UBTD2: variants seen among roughly 807,000 people sequenced by gnomAD.
UBTD2 encodes ubiquitin domain-containing protein 2.
A neutral mutation model predicts 19.8 loss-of-function variants in UBTD2; 9 were observed. The ratio of observed to expected loss-of-function variants is 0.46; its 90% confidence interval spans 0.27 to 0.79. UBTD2 has a LOEUF of 0.79. Among genes scored for constraint, UBTD2 ranks in the 30% least tolerant of loss-of-function variants. UBTD2 has a pLI of 0.14. For synonymous variants in UBTD2, 98 were observed against 103.9 expected (o/e 0.94, Z 0.35); for missense variants, 250 against 300.4 (o/e 0.83, Z 1.24).
chr5:172,247,555 G>C (rs560955236), intron 1 of UBTD2, among the ~76,000 whole-genome samples: 1 of 152,200 alleles, frequency 6.6e-6, no homozygotes, highest in African/African-American at 2.4e-5. Flanking sequence ...GACTACAGTG[G>C]CTATATTTGT....
intron 1 of UBTD2, among the ~76,000 whole-genome samples, chr5:172,256,934 A>G (rs1397684637): frequency 1.3e-5 from 2 of 152,178 alleles, no homozygotes; most frequent in Admixed American, 1.3e-4. Context: ...AAAGTTTCTA[A>G]AAGTTCTAAA....
rs958488140 is a variant in UBTD2, at chr5:172,210,440, G to GC, written c.*1389dup. 3 of 151,860 alleles carry GC rather than the reference G, an allele frequency of 2.0e-5. No individual in the cohort carries two copies. Among genetic ancestry groups the GC allele is most frequent in the Non-Finnish European group, 4.4e-5 (3 of 67,938 alleles). The allele number at this position is 151,860 out of a possible 1,614,324, so 9.4% of individuals were successfully genotyped here. The stretch of plus-strand genomic sequence containing the variant: ...TCAGGGGCACAGTGGTCACATGTTA[G>GC]CCCCCCTTCTCACTTATGGAACCAA... On this transcript the variant is annotated 3_prime_UTR_variant, in exon 3 of 3. Transcript: ENST00000393792.
chr5:172,265,112 T>C (rs953602444), intron 1 of UBTD2, among the ~76,000 whole-genome samples: 5 of 152,268 alleles, frequency 3.3e-5, no homozygotes, highest in South Asian at 2.1e-4. Flanking sequence ...AAGTCACCAA[T>C]AGGTTTGCTA....
At position 172,243,484 on chromosome 5, in the gene UBTD2, C is replaced by T. The variant is rs1021115824; in HGVS notation, c.71-9126G>A. ...ACTGTATGTAAAACAGGAAGATGGA[C>T]GCCCTCACCAGATACCAAATCAGCT... On this transcript the variant is annotated intron_variant, in intron 1 of 2. Transcript: ENST00000393792. Among the ~76,000 whole-genome samples the T allele has an allele frequency of 7.9e-5, 12 of 151,464 alleles. No homozygotes were observed. The East Asian group carries it at 9.7e-4, about 12-fold the overall frequency.
At position 172,255,523 on chromosome 5, in the gene UBTD2, G is replaced by C. The variant is rs545455628; in HGVS notation, c.71-21165C>G. ...CCACGAGAAATAAAGGCCCAGATCC[G>C]GGCTGCCTGGAGGCCCCCAAGCGCA... On this transcript the variant is annotated intron_variant, in intron 1 of 2. Transcript: ENST00000393792. 1.6e-5 allele frequency: 5 copies of C among 313,670 alleles called. No individual in the cohort carries two copies. The East Asian group carries it at 3.6e-4, about 23-fold the overall frequency. 19.4% of individuals were successfully genotyped at this position (313,670 alleles called of 1,614,324 possible). A position where few individuals can be genotyped will look rare whatever the true frequency, so the allele number is the denominator to read the frequency against.
chr5:172,213,512 T>C (rs754772483), intron 2 of UBTD2, among the ~76,000 whole-genome samples: 1 of 152,174 alleles, frequency 6.6e-6, no homozygotes, highest in Non-Finnish European at 1.5e-5. Context: ...AAAAGGGCTA[T>C]GACATAACGA....
At position 172,273,705 on chromosome 5, in the gene UBTD2, A is replaced by C. The variant is rs151122162; in HGVS notation, c.70+9891T>G. ...GCCCAACGGAAGGTAGATGATCAGG[A>C]AGCAGCTACAATGGCCTATGTCAAT... On this transcript the variant is annotated intron_variant, in intron 1 of 2. Transcript: ENST00000393792. 2.6e-5 allele frequency among the ~76,000 whole-genome samples: 4 copies of C among 152,038 alleles called. No homozygotes were observed. In the East Asian group the frequency reaches 7.7e-4, roughly 29 times the overall value.
In UBTD2 at chr5:172,211,639, G is replaced by T; in HGVS notation, c.*191C>A. The stretch of plus-strand genomic sequence containing the variant: ...GTAATTACATGAGTCTCAAAGCCTG[G>T]CTCTTTGTGTTTTATTATTTTTGTT... On this transcript the variant is annotated 3_prime_UTR_variant, in exon 3 of 3. Transcript: ENST00000393792. 2 of 528,324 alleles carry T rather than the reference G, an allele frequency of 3.8e-6. No individual in the cohort carries two copies. Among genetic ancestry groups the T allele is most frequent in the South Asian group, 5.2e-5 (1 of 19,242 alleles). 32.7% of individuals were successfully genotyped at this position (528,324 alleles called of 1,614,324 possible). A position where few individuals can be genotyped will look rare whatever the true frequency, so the allele number is the denominator to read the frequency against.
chr5:172,278,492 C>T (rs1301072021), intron 1 of UBTD2, among the ~76,000 whole-genome samples: 2 of 150,366 alleles, frequency 1.3e-5, no homozygotes, highest in Non-Finnish European at 3.0e-5. Context: ...GCATTCCAGC[C>T]TAGGCAGAGT....
chr5:172,230,556 T>C (rs1367257080), intron 2 of UBTD2, among the ~76,000 whole-genome samples: 3 of 152,154 alleles, frequency 2.0e-5, no homozygotes, highest in East Asian at 3.9e-4. Flanking sequence ...TTATTATCCA[T>C]ATTTTACATA....
chr5:172,255,654 C>A (rs543642303), intron 1 of UBTD2, among the ~76,000 whole-genome samples: 9 of 152,286 alleles, frequency 5.9e-5, no homozygotes, highest in African/African-American at 2.2e-4. Context: ...ACACGAGGCT[C>A]CCCTCTGGCT....
At chr5:172,231,336 G>C (rs1215475991) in intron 2 of UBTD2, among the ~76,000 whole-genome samples, 1 of 152,148 alleles carries the variant, frequency 6.6e-6, no homozygotes, top group African/African-American at 2.4e-5. Context: ...AAAGAGAAAG[G>C]CTCAGATATT....
intron 1 of UBTD2, among the ~76,000 whole-genome samples, chr5:172,269,935 G>A (rs890703394): frequency 1.3e-5 from 2 of 151,452 alleles, no homozygotes; most frequent in African/African-American, 4.8e-5. Context: ...AAATTAGCTG[G>A]GCATGGTTGC....
At chr5:172,226,020 C>T (rs1771756190) in intron 2 of UBTD2, among the ~76,000 whole-genome samples, 1 of 144,852 alleles carries the variant, frequency 6.9e-6, no homozygotes, top group African/African-American at 2.6e-5. Flanking sequence ...TCACTGCAAC[C>T]TCTGCCTCCT....
intron 1 of UBTD2, among the ~76,000 whole-genome samples, chr5:172,268,671 C>T (rs539144258): frequency 6.6e-5 from 10 of 152,196 alleles, no homozygotes; most frequent in African/African-American, 2.4e-4. Context: ...ATTGCTTGAA[C>T]CCAGGAGGCA....
chr5:172,218,775 C>CAAAAAAAAAA (rs1196929218), intron 2 of UBTD2, among the ~76,000 whole-genome samples: 2 of 50,472 alleles, frequency 4.0e-5, no homozygotes, highest in African/African-American at 1.4e-4. Context: ...ACCCTGTCAC[C>CAAAAAAAAAA]AAAAAAAAAA....
At position 172,283,665 on chromosome 5, in the gene UBTD2, T is replaced by TG. The variant is rs551941814; in HGVS notation, c.-1dup. On this transcript the variant is annotated 5_prime_UTR_variant, in exon 1 of 3. Coordinates refer to ENST00000393792, the MANE Select transcript of UBTD2 (RefSeq NM_152277.3). This position sits in a 1 kb window ranked among gnomAD's most constrained non-coding sequence, Gnocchi z 4.3. ...TGCTGGGCGCCCACACACCCGCCCA[T>TG]GGGGGCCCCCGGCGCCTCGTCCGCC... 3.0e-5 allele frequency: 37 copies of TG among 1,241,256 alleles called. No homozygotes were observed. Among genetic ancestry groups the TG allele is most frequent in the Non-Finnish European group, 3.7e-5 (37 of 988,492 alleles). 76.9% of individuals were successfully genotyped at this position (1,241,256 alleles called of 1,614,324 possible). A position where few individuals can be genotyped will look rare whatever the true frequency, so the allele number is the denominator to read the frequency against.
rs117656880 is a variant in UBTD2, at chr5:172,214,029, C to T, written c.308-1802G>A. On this transcript the variant is annotated intron_variant, in intron 2 of 2. Coordinates refer to ENST00000393792, the MANE Select transcript of UBTD2 (RefSeq NM_152277.3). ...TTGAACTCCTGACCTAGGTGATCTG[C>T]TCGCCTTGGCCTCCCAAAGTGTTGG... Among the ~76,000 whole-genome samples the T allele has an allele frequency of 3.6e-3, 544 of 152,348 alleles. 17 individuals carry two copies. The East Asian group carries it at 0.074, about 21-fold the overall frequency.
rs886801414 is a variant in UBTD2, at chr5:172,212,036, C to T, written c.499G>A (p.Val167Met). The change falls in exon 3 of 3, where the codon GTG (valine) becomes ATG (methionine). Residue 167 changes from valine to methionine, a missense_variant. Physicochemically the swap from Val to Met is conservative, Grantham distance 21 (BLOSUM62 1). Transcript: ENST00000393792. ...RLSTGKDLKL[V>M]VRSTDTVFHM... ...AATACTGTGTCTGTGCTGCGAACCA[C>T]AAGCTTGAGGTCTTTGCCTGTGGAA... is the stretch of plus-strand genomic sequence containing the variant. The T allele has an allele frequency of 1.9e-6, 3 of 1,614,126 alleles. No individual in the cohort carries two copies. The highest frequency in any genetic ancestry group is 1.7e-6 in the Non-Finnish European group (2 of 1,180,046).
Sources: gnomAD v4.1 joint callset for allele counts (sites outside exome capture counted in the v4.1 genomes callset) on GRCh38, gnomAD v4.1.1 for gene constraint, Gnocchi (gnomAD v3.1) non-coding constraint, MANE v1.5 for transcripts, NCBI Gene and HGNC (gene_info 2026-07-23, HGNC 2026-07-21) for gene names.